The following TMTC4 variants were observed in gnomAD, a reference collection of about 807,000 sequenced individuals.
TMTC4 encodes the protein protein O-mannosyl-transferase TMTC4.
TMTC4 carries 65 observed loss-of-function variants against 86.0 expected under a neutral mutation model. The ratio of observed to expected loss-of-function variants is 0.76; its 90% CI spans 0.62 to 0.93. TMTC4 has a LOEUF of 0.93. Among genes scored for constraint, TMTC4 ranks in the 40% least tolerant of loss-of-function variants. The pLI, the probability that TMTC4 is intolerant of heterozygous loss-of-function variation, is 0.00. For synonymous variants in TMTC4, 379 were observed against 382.5 expected, an observed-to-expected ratio of 0.99 and a Z score of 0.11; for missense variants, 866 against 948.1, an observed-to-expected ratio of 0.91 and a Z score of 1.14.
chr13:100,635,145 C>T lies in TMTC4; in HGVS notation c.1253G>A (p.Ser418Asn), dbSNP rs748092559. The T allele has an allele frequency of 1.2e-6, 2 of 1,613,784 alleles. No individual in the cohort carries two copies. The highest frequency in any genetic ancestry group is 4.5e-5 in the East Asian group (2 of 44,872). ...GAAGCCCACTCGGAAGAACAGGTTA[C>T]TCGCGGGGAGAAATGGGATAACGAG... is the stretch of plus-strand genomic sequence containing the variant. ...GFLVIPFLPA[S>N]NLFFRVGFVV... Residue 418 changes from serine to asparagine, a missense_variant, in exon 11 of 19, where the codon AGT (serine) becomes AAT (asparagine). By Grantham distance (46) the Ser-to-Asn change is conservative. Transcript: ENST00000342624.
Position 100,605,180 on chromosome 13 carries a change from CT to C in TMTC4, c.2135-39del. 2 of 1,597,806 alleles carry C rather than the reference CT, an allele frequency of 1.3e-6. No homozygotes were observed. The highest frequency in any genetic ancestry group is 1.7e-6 in the Non-Finnish European group (2 of 1,172,442). On this transcript the variant is annotated intron_variant, in intron 18 of 18. Transcript: ENST00000342624. The surrounding 1 kb of genome is among the most constrained non-coding windows in gnomAD (Gnocchi z 4.3). ...GAGATAAATTTCACTGGGAATGCTT[CT>C]GAGTAACGTGCCGTATTCCTACCCT... is the stretch of plus-strand genomic sequence containing the variant.
chr13:100,637,025 C>G (rs971164470), intron 9 of TMTC4, among the ~76,000 whole-genome samples: 2 of 152,160 alleles, frequency 1.3e-5, no homozygotes, highest in African/African-American at 4.8e-5. Flanking sequence ...CCTGTGACCT[C>G]TAAATCTGAG....
At chr13:100,612,607 G>T in intron 16 of TMTC4, 97 bp from the exon 17 acceptor site, 1 of 766,522 alleles carries the variant, frequency 1.3e-6, no homozygotes, top group South Asian at 1.6e-5. Flanking sequence ...CACAGCACAT[G>T]ACAATTATGA....
rs144312553 is a variant in TMTC4, at chr13:100,621,477, G to A, written c.1836+4058C>T. Among the ~76,000 whole-genome samples, 1,273 of 152,248 alleles carry A rather than the reference G, an allele frequency of 8.4e-3. 19 individuals carry two copies. Among genetic ancestry groups the A allele is most frequent in the African/African-American group, 0.029 (1,220 of 41,532 alleles). ...GTCTTGCTCCGTCGCCCAGGCTGGA[G>A]TGCAGTGGCGCCATCTCGGTTCACT... On this transcript the variant is annotated intron_variant, in intron 15 of 18. Transcript: ENST00000342624.
Position 100,663,001 on chromosome 13 carries a change from G to C in TMTC4, c.515C>G (p.Ala172Gly). The C allele has an allele frequency of 6.2e-7, 1 of 1,614,068 alleles. No homozygotes were observed. Among genetic ancestry groups the C allele is most frequent in the South Asian group, 1.1e-5 (1 of 91,078 alleles). ...CACAGGATGGACAGCAAACAGCAGC[G>C]CGGCCAGCAGGGACGCCCTGGGGGC... ...HLAPRASLLAALLFAVHPVHT... is the reference protein window; with the variant it reads ...HLAPRASLLAGLLFAVHPVHT... Residue 172 changes from alanine (A) to glycine (G), a missense_variant, in exon 5 of 19, where the codon GCG (alanine) becomes GGG (glycine). Coordinates refer to ENST00000342624, the MANE Select transcript of TMTC4 (RefSeq NM_032813.5).
At chr13:100,625,468 C>T (rs761776362) in intron 15 of TMTC4, 67 bp downstream of exon 15, 1 of 1,595,390 alleles carries the variant, frequency 6.3e-7, no homozygotes, top group Non-Finnish European at 8.5e-7. Context: ...GTCACTATGT[C>T]ATTTTATTAT....
intron 4 of TMTC4, among the ~76,000 whole-genome samples, chr13:100,663,493 G>A (rs767418252): frequency 2.6e-5 from 4 of 152,156 alleles, no homozygotes; most frequent in Non-Finnish European, 4.4e-5. Context: ...AAGGGGCAAG[G>A]CTGCAATCCA....
chr13:100,671,874 C>T (rs10851118), intron 1 of TMTC4, among the ~76,000 whole-genome samples: 39,622 of 139,668 alleles, frequency 0.28, 6,006 homozygotes, highest in Admixed American at 0.39. Flanking sequence ...CACTAGCAAA[C>T]GCAAAAAAAA....
intron 5 of TMTC4, among the ~76,000 whole-genome samples, chr13:100,658,334 TGA>T (rs1885354609): frequency 6.7e-6 from 1 of 150,348 alleles, no homozygotes; most frequent in South Asian, 2.1e-4. Flanking sequence ...CCCGGGTGAG[TGA>T]GGAGGCAGCT....
chr13:100,672,408 A>G (rs1023339430), intron 1 of TMTC4, among the ~76,000 whole-genome samples: 3 of 152,136 alleles, frequency 2.0e-5, no homozygotes, highest in African/African-American at 4.8e-5. Context: ...CTGTTCCTCA[A>G]TGACCTGAGC....
At chr13:100,620,592 CT>C (rs1879318691) in intron 15 of TMTC4, among the ~76,000 whole-genome samples, 1 of 152,198 alleles carries the variant, frequency 6.6e-6, no homozygotes, top group Non-Finnish European at 1.5e-5. Context: ...ATCTAAAACA[CT>C]TAGAATGGTT....
chr13:100,614,848 A>G (rs1455475855), intron 15 of TMTC4: 4 of 887,240 alleles, frequency 4.5e-6, no homozygotes, highest in Non-Finnish European at 5.4e-6. Flanking sequence ...TAAAGACTTC[A>G]TAAGTTCATT....
chr13:100,612,574 C>T (rs1164976517), intron 16 of TMTC4, 64 bp from the exon 17 acceptor site: 20 of 1,206,588 alleles, frequency 1.7e-5, no homozygotes, highest in Non-Finnish European at 2.4e-5. Context: ...TAGCTTCTCT[C>T]TATAACTAAC....
chr13:100,622,095 G>T (rs1879597288), intron 15 of TMTC4, among the ~76,000 whole-genome samples: 1 of 152,178 alleles, frequency 6.6e-6, no homozygotes, highest in South Asian at 2.1e-4. Context: ...CAGGTAACTA[G>T]GTCATAAAGC....
chr13:100,608,509 AGAG>A (rs978303383), intron 17 of TMTC4, among the ~76,000 whole-genome samples: 3 of 152,160 alleles, frequency 2.0e-5, no homozygotes, highest in Admixed American at 2.0e-4. Context: ...AGATGGTTTG[AGAG>A]GAGGTGTGGG....
chr13:100,674,162 G>A (rs973905926), intron 1 of TMTC4: 1 of 969,356 alleles, frequency 1.0e-6, no homozygotes, highest in Non-Finnish European at 1.2e-6. Flanking sequence ...CGGCGGCTCG[G>A]TGGCCCCGGG....
intron 12 of TMTC4, among the ~76,000 whole-genome samples, chr13:100,629,618 T>G (rs1881050190): frequency 6.6e-6 from 1 of 152,218 alleles, no homozygotes; most frequent in African/African-American, 2.4e-5. Context: ...GATCCACTCA[T>G]TCATACCACT....
rs773265598 is a variant in TMTC4 at position 100,634,820 on chromosome 13, A to C, written c.1491T>G (p.Cys497Trp). ...AGCTAGGTACCTTAGCATTGAGGGG[A>C]CACACAGACAGAGCACTTCTGAAAA... ...EQLFRSALSV[C>W]PLNAKVHYNI... Residue 497 changes from cysteine (C) to tryptophan (W), a missense_variant, in exon 12 of 19, where the codon TGT becomes TGG. Coordinates refer to ENST00000342624, the MANE Select transcript of TMTC4 (RefSeq NM_032813.5). 7 of 1,613,922 alleles carry C rather than the reference A, an allele frequency of 4.3e-6. No homozygotes were observed. The South Asian group carries it at 7.7e-5, about 18-fold the overall frequency.
intron 1 of TMTC4, among the ~76,000 whole-genome samples, chr13:100,672,026 A>T (rs1382039613): frequency 6.6e-6 from 1 of 152,170 alleles, no homozygotes; most frequent in East Asian, 1.9e-4. Flanking sequence ...CTAAGAATCA[A>T]TTTCCTCACT....
Sources: gnomAD v4.1 joint callset for allele counts (sites outside exome capture counted in the v4.1 genomes callset) on GRCh38, gnomAD v4.1.1 for gene constraint, Gnocchi (gnomAD v3.1) non-coding constraint, MANE v1.5 for transcripts, NCBI Gene and HGNC (gene_info 2026-07-23, HGNC 2026-07-21) for gene names.